Variants in GNA12 observed in about 807,000 individuals in gnomAD.
The protein encoded by GNA12 is guanine nucleotide-binding protein subunit alpha-12.
Under a neutral mutation model 26.0 loss-of-function variants are expected in GNA12, and 9 were observed. The ratio of observed to expected loss-of-function variants is 0.35; its 90% confidence interval spans 0.21 to 0.60. The LOEUF (loss-of-function observed/expected upper bound fraction) is 0.60. GNA12 is among the 20% of genes least tolerant of loss of function. GNA12 has a pLI of 0.78. For missense variants in GNA12, 405 were observed against 525.8 expected (o/e 0.77, Z 2.25); for synonymous variants, 264 against 219.6 (o/e 1.20, Z -1.79).
chr7:2,793,836 GGC>G (rs1023152904), intron 2 of GNA12, among the ~76,000 whole-genome samples: 4 of 146,334 alleles, frequency 2.7e-5, no homozygotes, highest in African/African-American at 1.0e-4. Flanking sequence ...GAGCTGAGAT[GGC>G]GCCACTGCAC....
chr7:2,790,145 C>T (rs1295861134), intron 2 of GNA12, among the ~76,000 whole-genome samples: 1 of 152,212 alleles, frequency 6.6e-6, no homozygotes, highest in East Asian at 1.9e-4. Context: ...CTGGGTCATT[C>T]TACCTGCCTT....
At chr7:2,809,221 G>T (rs1007664478) in intron 1 of GNA12, among the ~76,000 whole-genome samples, 12 of 152,028 alleles carry the variant, frequency 7.9e-5, no homozygotes, top group African/African-American at 2.9e-4. Flanking sequence ...TCACACCCGT[G>T]TCCCCAGGGC....
At chr7:2,830,967 A>C (rs1021708540) in intron 1 of GNA12, among the ~76,000 whole-genome samples, 1 of 152,002 alleles carries the variant, frequency 6.6e-6, no homozygotes, top group African/African-American at 2.4e-5. Flanking sequence ...AAAAAACAAA[A>C]AACAAAAGCT....
At chr7:2,736,483 C>T (rs1278406028) in intron 2 of GNA12, among the ~76,000 whole-genome samples, 1 of 152,190 alleles carries the variant, frequency 6.6e-6, no homozygotes, top group Non-Finnish European at 1.5e-5. Context: ...TGTCCTCTCA[C>T]GAGCAACAGA....
At chr7:2,762,825 A>C in intron 2 of GNA12, 1 of 1,516,892 alleles carries the variant, frequency 6.6e-7, no homozygotes, top group East Asian at 2.6e-5. Context: ...CATCCGCCAC[A>C]CACCCAGTCA....
At chr7:2,837,959 T>C (rs1477963845) in intron 1 of GNA12, among the ~76,000 whole-genome samples, 3 of 152,144 alleles carry the variant, frequency 2.0e-5, no homozygotes, top group East Asian at 1.9e-4. Flanking sequence ...TGATGTGGCA[T>C]TCAAAGTCTG....
chr7:2,752,678 A>G (rs1302470000), intron 2 of GNA12, among the ~76,000 whole-genome samples: 1 of 152,210 alleles, frequency 6.6e-6, no homozygotes, highest in Non-Finnish European at 1.5e-5. Flanking sequence ...GAATCTAAAC[A>G]TTGTAAAAGC....
chr7:2,755,489 A>G (rs919782037), intron 2 of GNA12, among the ~76,000 whole-genome samples: 11 of 152,202 alleles, frequency 7.2e-5, no homozygotes, highest in Non-Finnish European at 1.5e-4. Context: ...ACAGTATTTC[A>G]TTTTTAAAAT....
rs571779555 is a variant in GNA12 at position 2,825,032 on chromosome 7, T to C, written c.309+18821A>G. Among the ~76,000 whole-genome samples, 6 of 152,260 alleles carry C rather than the reference T, an allele frequency of 3.9e-5. No individual in the cohort carries two copies. The East Asian group carries it at 5.8e-4, about 15-fold the overall frequency. ...GACAGACACCTGGCTTGCCTCCTCC[T>C]AGATCTCGCTCTGGGTAGTACCCAA... is the stretch of plus-strand genomic sequence containing the variant. On this transcript the variant is annotated intron_variant, in intron 1 of 3. Coordinates refer to ENST00000275364, the MANE Select transcript of GNA12 (RefSeq NM_007353.3).
intron 1 of GNA12, among the ~76,000 whole-genome samples, chr7:2,815,467 G>A (rs1300624996): frequency 6.6e-6 from 1 of 152,160 alleles, no homozygotes; most frequent in Non-Finnish European, 1.5e-5. Flanking sequence ...TGGAGTGCAG[G>A]GCTATATTGG....
rs73049350 is a variant in GNA12, at chr7:2,780,922, C to A, written c.525+14006G>T. On this transcript the variant is annotated intron_variant, in intron 2 of 3. Coordinates refer to ENST00000275364, the MANE Select transcript of GNA12 (RefSeq NM_007353.3). ...CATATCTTAACTTTAGTAAATCATA[C>A]CCATCTGTTTTCCAAACTAGAGAAA... is the stretch of plus-strand genomic sequence containing the variant. Among the ~76,000 whole-genome samples the A allele has an allele frequency of 4.0e-3, 606 of 152,344 alleles. 2 individuals carry two copies. The highest frequency in any genetic ancestry group is 6.7e-3 in the Non-Finnish European group (459 of 68,036).
chr7:2,815,136 G>A, intron 1 of GNA12: 2 of 740,080 alleles, frequency 2.7e-6, no homozygotes, highest in Non-Finnish European at 4.2e-6. Flanking sequence ...GCTCACTGGA[G>A]AAGGAGCAAT....
chr7:2,804,108 C>T (rs1293167750), intron 1 of GNA12, among the ~76,000 whole-genome samples: 1 of 152,110 alleles, frequency 6.6e-6, no homozygotes, highest in Admixed American at 6.5e-5. Flanking sequence ...CAGAAAAGAT[C>T]AGCAAAACTT....
intron 2 of GNA12, among the ~76,000 whole-genome samples, chr7:2,766,917 G>C (rs1055624381): frequency 2.0e-5 from 3 of 152,132 alleles, no homozygotes; most frequent in South Asian, 2.1e-4. Context: ...TTTTTCTTCT[G>C]ATAGTAGCCA....
chr7:2,780,393 C>T (rs982755165), intron 2 of GNA12, among the ~76,000 whole-genome samples: 2 of 151,832 alleles, frequency 1.3e-5, no homozygotes, highest in African/African-American at 4.8e-5. Flanking sequence ...TAAATTATAA[C>T]AATATAGGAA....
chr7:2,749,472 G>A (rs1790920261), intron 2 of GNA12, among the ~76,000 whole-genome samples: 1 of 150,306 alleles, frequency 6.7e-6, no homozygotes, highest in South Asian at 2.2e-4. Context: ...GACAACACAT[G>A]GACACGGGAA....
chr7:2,757,366 C>G (rs905596922), intron 2 of GNA12, among the ~76,000 whole-genome samples: 2 of 152,076 alleles, frequency 1.3e-5, no homozygotes, highest in Non-Finnish European at 2.9e-5. Flanking sequence ...AAGAGGTGCT[C>G]TCCTGCTGAC....
intron 2 of GNA12, among the ~76,000 whole-genome samples, chr7:2,740,134 C>CT (rs1720511405): frequency 6.6e-6 from 1 of 152,126 alleles, no homozygotes; most frequent in South Asian, 2.1e-4. Context: ...GGTGGCCATC[C>CT]TACTAGCTGT....
chr7:2,795,906 C>T (rs1478681433), intron 1 of GNA12, among the ~76,000 whole-genome samples: 17 of 151,702 alleles, frequency 1.1e-4, no homozygotes, highest in South Asian at 4.2e-4. Flanking sequence ...CTGCAACCTC[C>T]GCCTCCCAGG....
Sources: allele counts gnomAD v4.1 joint callset (sites outside exome capture counted in the v4.1 genomes callset), GRCh38; gene constraint gnomAD v4.1.1; transcripts MANE v1.5; gene names NCBI Gene and HGNC (gene_info 2026-07-23, HGNC 2026-07-21).